The following MYO5C variants were observed in gnomAD, a reference collection of about 807,000 sequenced individuals.
The protein encoded by MYO5C is unconventional myosin-Vc.
MYO5C carries 194 observed loss-of-function variants against 235.7 expected under a neutral mutation model. The ratio of observed to expected loss-of-function variants is 0.82; its 90% CI spans 0.73 to 0.93. MYO5C has a LOEUF of 0.93. Among genes scored for constraint, MYO5C ranks in the 40% least tolerant of loss-of-function variants. The pLI is 0.00. For missense variants in MYO5C, 2,038 were observed against 2,127.2 expected (o/e 0.96, Z 0.82); for synonymous variants, 707 against 754.8 (o/e 0.94, Z 1.04).
At chr15:52,214,231 T>C (rs1442123616) in intron 33 of MYO5C, among the ~76,000 whole-genome samples, 2 of 152,202 alleles carry the variant, frequency 1.3e-5, no homozygotes. Context: ...TCTCTACTTT[T>C]CTAATAGAAA....
chr15:52,252,992 AAT>A (rs1337303684), intron 12 of MYO5C, among the ~76,000 whole-genome samples: 1 of 152,222 alleles, frequency 6.6e-6, no homozygotes, highest in Non-Finnish European at 1.5e-5. Context: ...AAGAAAACTC[AAT>A]TCTTATTAGT....
chr15:52,253,609 G>A (rs1018909668), intron 11 of MYO5C, 152 bp from the exon 12 acceptor site: 10 of 737,524 alleles, frequency 1.4e-5, no homozygotes, highest in African/African-American at 5.3e-5. Flanking sequence ...GGCCCATACC[G>A]TGATCAATAC....
chr15:52,206,198 C>G lies in MYO5C; in HGVS notation c.4387-232G>C, dbSNP rs113855186. 2.6e-4 allele frequency among the ~76,000 whole-genome samples: 39 copies of G among 152,212 alleles called. 2 individuals carry two copies. The highest frequency in any genetic ancestry group is 8.7e-4 in the African/African-American group (36 of 41,538). ...CACCCACTTCCCTACAAACATTGTC[C>G]CTGGAACCTATAGACTAAATGGAAA... On this transcript the variant is annotated intron_variant, in intron 36 of 40. Transcript: ENST00000261839.
At chr15:52,279,215 G>A (rs188363301) in intron 3 of MYO5C, among the ~76,000 whole-genome samples, 198 bp from the exon 4 acceptor site, 17 of 152,224 alleles carry the variant, frequency 1.1e-4, no homozygotes, top group African/African-American at 3.9e-4. Flanking sequence ...TGACAGGACA[G>A]GTGGAAATGC....
chr15:52,282,169 C>G (rs2037173067), intron 2 of MYO5C, among the ~76,000 whole-genome samples: 1 of 152,216 alleles, frequency 6.6e-6, no homozygotes, highest in African/African-American at 2.4e-5. Flanking sequence ...TCCCCCTCAC[C>G]ACACCAGCAC....
chr15:52,263,342 T>C (rs143379584), intron 9 of MYO5C, among the ~76,000 whole-genome samples: 1 of 152,296 alleles, frequency 6.6e-6, no homozygotes, highest in Non-Finnish European at 1.5e-5. Flanking sequence ...TCACTACTCA[T>C]AGTATATGTC....
intron 5 of MYO5C, among the ~76,000 whole-genome samples, chr15:52,275,230 T>G (rs919754408): frequency 3.3e-5 from 5 of 152,254 alleles, no homozygotes; most frequent in African/African-American, 1.2e-4. Context: ...AATCAGCTCA[T>G]GAATGCTGAT....
intron 38 of MYO5C, among the ~76,000 whole-genome samples, chr15:52,199,477 T>C (rs1275733735): frequency 1.3e-5 from 2 of 152,250 alleles, no homozygotes; most frequent in South Asian, 2.1e-4. Flanking sequence ...TTGGGGAAGA[T>C]GACCAGAATT....
At chr15:52,284,275 C>T (rs1013234625) in intron 1 of MYO5C, among the ~76,000 whole-genome samples, 8 of 151,766 alleles carry the variant, frequency 5.3e-5, no homozygotes, top group Admixed American at 4.6e-4. Context: ...AAGGAATGAA[C>T]TACTGATGTA....
At chr15:52,214,166 C>T (rs970245686) in intron 33 of MYO5C, among the ~76,000 whole-genome samples, 2 of 152,144 alleles carry the variant, frequency 1.3e-5, no homozygotes, top group Non-Finnish European at 1.5e-5. Flanking sequence ...CAGAGGCTCA[C>T]GAGGATGCTT....
chr15:52,248,535 G>A (rs550142357), intron 14 of MYO5C, among the ~76,000 whole-genome samples, 165 bp downstream of exon 14: 1 of 152,184 alleles, frequency 6.6e-6, no homozygotes, highest in African/African-American at 2.4e-5. Flanking sequence ...GAGATTTACA[G>A]TAGTTATCTT....
intron 20 of MYO5C, among the ~76,000 whole-genome samples, chr15:52,240,604 C>T (rs62014635): frequency 0.67 from 100,372 of 149,426 alleles, 37,535 homozygotes; most frequent in Non-Finnish European, 0.84. Flanking sequence ...TGGTGGCTCA[C>T]GCCTGTGGTC....
chr15:52,224,927 A>T lies in MYO5C; in HGVS notation c.3420T>A (p.Ala1140=). 6.2e-7 allele frequency: 1 copy of T among 1,614,018 alleles called. No individual in the cohort carries two copies. Among genetic ancestry groups the T allele is most frequent in the Non-Finnish European group, 8.5e-7 (1 of 1,179,968 alleles). ...HLNEDGELWF[A]YEGLKKATRV... ...GTGTTGCTTTCTTTAGTCCTTCATA[A>T]GCAAACCAAAGTTCTCCATCCTCAT... The change falls in exon 28 of 41, where the codon GCT becomes GCA. Residue 1140 remains alanine, a synonymous_variant. Coordinates refer to ENST00000261839, the MANE Select transcript of MYO5C (RefSeq NM_018728.4).
At chr15:52,294,609 A>T (rs1033831830) in intron 1 of MYO5C, among the ~76,000 whole-genome samples, 1 of 152,252 alleles carries the variant, frequency 6.6e-6, no homozygotes, top group African/African-American at 2.4e-5. Flanking sequence ...GATGGATTCT[A>T]GTTCCACTCG....
intron 9 of MYO5C, among the ~76,000 whole-genome samples, chr15:52,263,889 T>C (rs2036745688): frequency 6.6e-6 from 1 of 152,210 alleles, no homozygotes; most frequent in Non-Finnish European, 1.5e-5. Context: ...CTTTGTTTTG[T>C]TCACTGCTGT....
At chr15:52,196,602 T>C in intron 38 of MYO5C, 119 bp from the exon 39 acceptor site, 5 of 891,872 alleles carry the variant, frequency 5.6e-6, no homozygotes, top group Non-Finnish European at 8.5e-6. Context: ...CAGCAGTTAC[T>C]CATCTGCAAA....
intron 2 of MYO5C, among the ~76,000 whole-genome samples, chr15:52,282,520 G>A (rs191324686): frequency 5.3e-5 from 8 of 152,330 alleles, no homozygotes; most frequent in East Asian, 1.9e-4. Flanking sequence ...ATGCAGTGCC[G>A]TGGCACAGAC....
intron 24 of MYO5C, among the ~76,000 whole-genome samples, chr15:52,230,909 C>A (rs2141300218): frequency 6.8e-6 from 1 of 147,836 alleles, no homozygotes; most frequent in African/African-American, 2.5e-5. Flanking sequence ...CTCATTGAAA[C>A]CTCCGCCTCC....
At chr15:52,253,277 T>C in intron 12 of MYO5C, 40 bp downstream of exon 12, 4 of 1,583,076 alleles carry the variant, frequency 2.5e-6, no homozygotes, top group Non-Finnish European at 3.4e-6. Flanking sequence ...CATCTGTTAC[T>C]ACTTAAAAGC....
Sources: gnomAD v4.1 joint callset for allele counts (sites outside exome capture counted in the v4.1 genomes callset) on GRCh38, gnomAD v4.1.1 for gene constraint, MANE v1.5 for transcripts, NCBI Gene and HGNC (gene_info 2026-07-23, HGNC 2026-07-21) for gene names.